USP34: variants seen among roughly 807,000 people sequenced by gnomAD.
USP34 encodes the protein ubiquitin specific peptidase 34, also known as ubiquitin carboxyl-terminal hydrolase 34.
A neutral mutation model predicts 460.3 loss-of-function variants in USP34; 70 were observed. The ratio of observed to expected loss-of-function variants is 0.15; its 90% CI spans 0.13 to 0.19. The LOEUF is 0.19. USP34 is among the 10% of genes least tolerant of loss of function. USP34 has a pLI of 1.00. For missense variants in USP34, 3,985 were observed against 4,236.2 expected, an observed-to-expected ratio of 0.94 and a Z score of 1.65; for synonymous variants, 1,647 against 1,405.3, an observed-to-expected ratio of 1.17 and a Z score of -3.85.
At chr2:61,356,488 CACACACACACAT>C (rs1301638505) in intron 10 of USP34, among the ~76,000 whole-genome samples, 1 of 145,110 alleles carries the variant, frequency 6.9e-6, no homozygotes, top group Non-Finnish European at 1.5e-5. Context: ...CACACACACA[CACACACACACAT>C]ACACACACAC....
chr2:61,461,748 C>T (rs900951430), intron 1 of USP34, among the ~76,000 whole-genome samples: 2 of 152,164 alleles, frequency 1.3e-5, no homozygotes, highest in Non-Finnish European at 2.9e-5. Flanking sequence ...TATATCCTTT[C>T]TGGCAAGCAA....
At chr2:61,320,169 G>C (rs13390569) in intron 21 of USP34, among the ~76,000 whole-genome samples, 98 of 152,262 alleles carry the variant, frequency 6.4e-4, no homozygotes, top group African/African-American at 2.1e-3. Context: ...AAATTTCTAT[G>C]TTACAATTTG....
In USP34 at chr2:61,343,922, C is replaced by A; in HGVS notation, c.2393G>T (p.Gly798Val). 6.2e-7 allele frequency: 1 copy of A among 1,613,984 alleles called. No individual in the cohort carries two copies. The highest frequency in any genetic ancestry group is 8.5e-7 in the Non-Finnish European group (1 of 1,179,922). The change falls in exon 16 of 80, where the codon GGA (glycine) becomes GTA (valine). Residue 798 changes from glycine (G) to valine (V), a missense_variant. Transcript: ENST00000398571. ...AATCTGAACTAGCTCCTCTTCACATCCAGATTCTTCACCATCAAAATCAGC... is the reference window on the plus strand; with the variant it reads ...AATCTGAACTAGCTCCTCTTCACATACAGATTCTTCACCATCAAAATCAGC... ...NMADFDGEES[G>V]CEEELVQINS...
At chr2:61,445,925 G>A (rs1447957987) in intron 1 of USP34, among the ~76,000 whole-genome samples, 1 of 151,638 alleles carries the variant, frequency 6.6e-6, no homozygotes, top group Non-Finnish European at 1.5e-5. Flanking sequence ...TCCAGCCTGG[G>A]CAACACAGTG....
At position 61,188,192 on chromosome 2, in the gene USP34, A is replaced by G. The variant is rs761623093; in HGVS notation, c.10551T>C (p.His3517=). ...TCCTACACAGGGTATCTAAAATGTC[A>G]TGTTGCTGCATATGACTAAAGAGTC... ...SRGLFSHMQQ[H]DILDTLCRTI... is the part of the protein sequence containing the mutation. The change falls in exon 80 of 80, where the codon CAT becomes CAC. Residue 3517 remains histidine, a synonymous_variant. Coordinates refer to ENST00000398571, the MANE Select transcript of USP34 (RefSeq NM_014709.4). The G allele has an allele frequency of 6.2e-7, 1 of 1,614,202 alleles. No individual in the cohort carries two copies. The highest frequency in any genetic ancestry group is 8.5e-7 in the Non-Finnish European group (1 of 1,180,048).
At chr2:61,306,809 G>C (rs1558521074) in intron 27 of USP34, among the ~76,000 whole-genome samples, 1 of 152,268 alleles carries the variant, frequency 6.6e-6, no homozygotes, top group East Asian at 1.9e-4. Context: ...AAAAAGTCAG[G>C]AAACAACAGC....
At chr2:61,342,278 G>A (rs1164077749) in intron 16 of USP34, among the ~76,000 whole-genome samples, 1 of 143,490 alleles carries the variant, frequency 7.0e-6, no homozygotes, top group Admixed American at 7.1e-5. Flanking sequence ...CACTGAGAGT[G>A]TACTTACTGG....
intron 27 of USP34, among the ~76,000 whole-genome samples, chr2:61,309,459 TA>T (rs1690518514): frequency 6.6e-6 from 1 of 152,188 alleles, no homozygotes; most frequent in Admixed American, 6.5e-5. Context: ...GGACAATTAG[TA>T]AGATCAGTGT....
intron 32 of USP34, among the ~76,000 whole-genome samples, chr2:61,294,215 G>A (rs531309148): frequency 1.3e-5 from 2 of 151,078 alleles, no homozygotes; most frequent in East Asian, 2.0e-4. Flanking sequence ...GTGTGGTGGC[G>A]GGCGCCTGTA....
chr2:61,443,654 GTTGCC>G (rs533576908), intron 1 of USP34, among the ~76,000 whole-genome samples: 43 of 152,208 alleles, frequency 2.8e-4, no homozygotes, highest in Non-Finnish European at 5.3e-4. Context: ...AAGATCAGCA[GTTGCC>G]AGTGATTAGT....
chr2:61,396,796 TAA>T (rs1157426709), intron 3 of USP34, among the ~76,000 whole-genome samples: 2 of 152,014 alleles, frequency 1.3e-5, no homozygotes, highest in Admixed American at 1.3e-4. Context: ...TCCTAACTCT[TAA>T]AAATAATAAG....
intron 69 of USP34, among the ~76,000 whole-genome samples, chr2:61,209,846 G>A (rs1687223375): frequency 6.6e-6 from 1 of 152,204 alleles, no homozygotes; most frequent in Non-Finnish European, 1.5e-5. Flanking sequence ...GGGACAAGAT[G>A]TGGAGGTGGG....
In USP34 at chr2:61,405,984, G is replaced by A. The variant is rs368857758; in HGVS notation, c.276C>T (p.Ser92=). The A allele has an allele frequency of 1.2e-4, 193 of 1,613,298 alleles. No individual in the cohort carries two copies. Among genetic ancestry groups the A allele is most frequent in the Non-Finnish European group, 1.5e-4 (182 of 1,179,960 alleles). The change falls in exon 3 of 80, where the codon TCC becomes TCT. Residue 92 remains serine (S), a synonymous_variant. Coordinates refer to ENST00000398571, the MANE Select transcript of USP34 (RefSeq NM_014709.4). ...CKHCTTINID[S]TWQDESNQAE... Reference sequence around the variant, plus strand: ...CTTGATTACTCTCATCTTGCCACGTGGAATCTATGTTAATGGTAGTACAAT... The same window carrying A: ...CTTGATTACTCTCATCTTGCCACGTAGAATCTATGTTAATGGTAGTACAAT...
intron 75 of USP34, among the ~76,000 whole-genome samples, chr2:61,199,262 CT>C (rs984645540): frequency 1.6e-4 from 24 of 147,494 alleles, no homozygotes; most frequent in East Asian, 4.0e-4. Flanking sequence ...CAATTAAGTC[CT>C]TTTTTTTTTG....
chr2:61,340,423 G>C (rs991737943), intron 16 of USP34, among the ~76,000 whole-genome samples: 1 of 152,070 alleles, frequency 6.6e-6, no homozygotes, highest in African/African-American at 2.4e-5. Flanking sequence ...GTAAATACTA[G>C]GATTGACATC....
chr2:61,236,784 A>T (rs752632499), intron 53 of USP34, among the ~76,000 whole-genome samples: 1 of 152,210 alleles, frequency 6.6e-6, no homozygotes, highest in African/African-American at 2.4e-5. Context: ...CCTAAATCAG[A>T]CGTGATTTGT....
intron 2 of USP34, among the ~76,000 whole-genome samples, chr2:61,420,016 G>C (rs903748976): frequency 6.6e-6 from 1 of 152,150 alleles, no homozygotes; most frequent in Admixed American, 6.5e-5. Context: ...AATGTTATTT[G>C]AAGTTAAACT....
intron 38 of USP34, 36 bp from the exon 39 acceptor site, chr2:61,280,384 TA>T: frequency 9.9e-7 from 1 of 1,013,648 alleles, no homozygotes; most frequent in Non-Finnish European, 1.4e-6. Flanking sequence ...GAAAACATTT[TA>T]AAAATAAATA....
At chr2:61,261,929 C>G (rs1487630037) in intron 43 of USP34, among the ~76,000 whole-genome samples, 1 of 151,126 alleles carries the variant, frequency 6.6e-6, no homozygotes, top group Non-Finnish European at 1.5e-5. Flanking sequence ...ATGGTTAAAC[C>G]CTGTCTCTGC....
Sources: allele counts gnomAD v4.1 joint callset (sites outside exome capture counted in the v4.1 genomes callset), GRCh38; gene constraint gnomAD v4.1.1; transcripts MANE v1.5; gene names NCBI Gene and HGNC (gene_info 2026-07-23, HGNC 2026-07-21).